Variants in TNPO1 observed in about 807,000 individuals in gnomAD.
TNPO1 encodes transportin-1.
Under a neutral mutation model 119.5 loss-of-function variants are expected in TNPO1, and 8 were observed. The observed-to-expected ratio is 0.07, with a 90% CI of 0.04 to 0.12. The LOEUF is 0.12. Among genes scored for constraint, TNPO1 ranks in the 10% least tolerant of loss-of-function variants. The pLI is 1.00. For missense variants in TNPO1, 576 were observed against 1,089.8 expected, an observed-to-expected ratio of 0.53 and a Z score of 6.64; for synonymous variants, 362 against 363.0, an observed-to-expected ratio of 1.00 and a Z score of 0.03.
At chr5:72,825,168 G>A (rs1290521821) in intron 1 of TNPO1, among the ~76,000 whole-genome samples, 1 of 152,178 alleles carries the variant, frequency 6.6e-6, no homozygotes, top group Non-Finnish European at 1.5e-5. Context: ...TACTGAAATA[G>A]GTTACTACCT....
Position 72,912,462 on chromosome 5 carries a change from A to T in TNPO1, c.*3789A>T, listed in dbSNP as rs1473948652. The T allele has an allele frequency of 1.3e-5, 2 of 152,496 alleles. No homozygotes were observed. The highest frequency in any genetic ancestry group is 6.6e-5 in the Admixed American group (1 of 15,262). 9.4% of individuals were successfully genotyped at this position (152,496 alleles called of 1,614,324 possible). On this transcript the variant is annotated 3_prime_UTR_variant, in exon 25 of 25. Transcript: ENST00000337273. ...CAGATACAAGTTTTATCTCAGGTGA[A>T]TACTCTTGTATTGTTTTTGCTTTGG...
chr5:72,858,440 A>G (rs1163374560), intron 4 of TNPO1, among the ~76,000 whole-genome samples: 1 of 152,096 alleles, frequency 6.6e-6, no homozygotes, highest in Non-Finnish European at 1.5e-5. Context: ...CTTCACACCC[A>G]CCTCCACCCC....
chr5:72,907,085 G>T (rs1750224150), intron 24 of TNPO1, among the ~76,000 whole-genome samples: 1 of 151,786 alleles, frequency 6.6e-6, no homozygotes, highest in South Asian at 2.1e-4. Flanking sequence ...AGTAGAAATG[G>T]ACTCAAAGCT....
chr5:72,848,134 C>G (rs960430883), intron 1 of TNPO1: 5 of 1,197,752 alleles, frequency 4.2e-6, no homozygotes, highest in Non-Finnish European at 2.1e-6. Flanking sequence ...TCAGTCTGGT[C>G]GGCTCCTTGC....
rs1193412531 is a variant in TNPO1 at position 72,910,562 on chromosome 5, T to C, written c.*1889T>C. On this transcript the variant is annotated 3_prime_UTR_variant, in exon 25 of 25. Transcript: ENST00000337273. ...CTGCATATTTAATCTGCAACAAAAA[T>C]GTTAAGCCATAACAGCCTTTTTATA... is the stretch of plus-strand genomic sequence containing the variant. 1 of 152,608 alleles carries C rather than the reference T, an allele frequency of 6.6e-6. No individual in the cohort carries two copies. Among genetic ancestry groups the C allele is most frequent in the Admixed American group, 6.5e-5 (1 of 15,278 alleles). 9.5% of individuals were successfully genotyped at this position (152,608 alleles called of 1,614,324 possible).
intron 1 of TNPO1, among the ~76,000 whole-genome samples, chr5:72,839,628 T>A (rs1744826770): frequency 6.6e-6 from 1 of 152,248 alleles, no homozygotes; most frequent in Non-Finnish European, 1.5e-5. Context: ...TGATTAGTAA[T>A]GTTTCCCATA....
chr5:72,901,184 AT>A (rs1442467493), intron 22 of TNPO1, 111 bp downstream of exon 22: 13 of 641,644 alleles, frequency 2.0e-5, no homozygotes, highest in Non-Finnish European at 2.8e-5. Flanking sequence ...AGGTATCAAA[AT>A]ACAGTTAAAC....
At chr5:72,900,923 A>G (rs768251736) in intron 21 of TNPO1, 51 bp from the exon 22 acceptor site, 2 of 1,281,060 alleles carry the variant, frequency 1.6e-6, no homozygotes, top group South Asian at 1.3e-5. Context: ...TAGTATTGTC[A>G]TTGAATCTGC....
At chr5:72,880,267 T>C (rs1373853520) in intron 9 of TNPO1, among the ~76,000 whole-genome samples, 1 of 152,204 alleles carries the variant, frequency 6.6e-6, no homozygotes, top group Non-Finnish European at 1.5e-5. Flanking sequence ...AGTCTCCCTT[T>C]TTTTATTTTT....
intron 11 of TNPO1, among the ~76,000 whole-genome samples, chr5:72,886,536 A>T (rs1748647103): frequency 6.6e-6 from 1 of 152,226 alleles, no homozygotes; most frequent in African/African-American, 2.4e-5. Context: ...ACAGTTATGT[A>T]CAGAATACAA....
At chr5:72,891,339 C>T (rs1332099881) in intron 14 of TNPO1, among the ~76,000 whole-genome samples, 3 of 151,990 alleles carry the variant, frequency 2.0e-5, no homozygotes, top group Non-Finnish European at 2.9e-5. Context: ...GTGGGGGGTG[C>T]CTGTAGTCCC....
chr5:72,830,428 T>C (rs981777092), intron 1 of TNPO1, among the ~76,000 whole-genome samples: 1 of 152,260 alleles, frequency 6.6e-6, no homozygotes, highest in Non-Finnish European at 1.5e-5. Context: ...TACCCACATA[T>C]CGAATTATTG....
chr5:72,900,385 A>G (rs540536005), intron 21 of TNPO1, among the ~76,000 whole-genome samples: 6 of 152,372 alleles, frequency 3.9e-5, no homozygotes, highest in East Asian at 1.9e-4. Flanking sequence ...ATAAAGATGC[A>G]TGCAAATTCT....
chr5:72,879,364 A>G (rs569097757), intron 9 of TNPO1, among the ~76,000 whole-genome samples: 1 of 152,368 alleles, frequency 6.6e-6, no homozygotes, highest in Non-Finnish European at 1.5e-5. Context: ...GATGTTAAAA[A>G]TATGGAATTA....
intron 22 of TNPO1, 111 bp from the exon 23 acceptor site, chr5:72,903,597 TC>T (rs1291434623): frequency 1.2e-5 from 8 of 693,594 alleles, no homozygotes; most frequent in Non-Finnish European, 1.9e-5. Flanking sequence ...TTTAAATGTT[TC>T]CTTTTTTAAG....
intron 13 of TNPO1, among the ~76,000 whole-genome samples, chr5:72,888,933 A>G (rs1318805386): frequency 6.6e-6 from 1 of 152,200 alleles, no homozygotes; most frequent in Non-Finnish European, 1.5e-5. Flanking sequence ...GTTTCCTGCA[A>G]TATACCTTTA....
Position 72,913,375 on chromosome 5 carries a change from T to A in TNPO1, c.*4702T>A, listed in dbSNP as rs969843154. ...TATGCCTAGTTATTATACATATTAA[T>A]TTTTAAGGTATACATTTAAATTACA... On this transcript the variant is annotated 3_prime_UTR_variant, in exon 25 of 25. Coordinates refer to ENST00000337273, the MANE Select transcript of TNPO1 (RefSeq NM_002270.4). The A allele has an allele frequency of 2.0e-5, 3 of 152,384 alleles. No individual in the cohort carries two copies. Among genetic ancestry groups the A allele is most frequent in the Non-Finnish European group, 4.4e-5 (3 of 67,932 alleles). The allele number at this position is 152,384 out of a possible 1,614,324, so 9.4% of individuals were successfully genotyped here.
rs1401874065 is a variant in TNPO1 at position 72,912,547 on chromosome 5, G to C, written c.*3874G>C. 1 of 152,366 alleles carries C rather than the reference G, an allele frequency of 6.6e-6. No individual in the cohort carries two copies. Among genetic ancestry groups the C allele is most frequent in the African/African-American group, 2.4e-5 (1 of 41,416 alleles). 9.4% of individuals were successfully genotyped at this position (152,366 alleles called of 1,614,324 possible). A position where few individuals can be genotyped will look rare whatever the true frequency, so the allele number is the denominator to read the frequency against. ...CTTTGTTTTTTAAGTGTATTTCATT[G>C]AGAATCTTTCCATTTAGTCTGATTT... On this transcript the variant is annotated 3_prime_UTR_variant, in exon 25 of 25. Transcript: ENST00000337273.
intron 11 of TNPO1, among the ~76,000 whole-genome samples, chr5:72,884,249 A>G (rs1748461396): frequency 6.6e-6 from 1 of 152,082 alleles, no homozygotes; most frequent in Admixed American, 6.5e-5. Context: ...TTATTATTAT[A>G]GTCATTCTAG....
Sources: gnomAD v4.1 joint callset for allele counts (sites outside exome capture counted in the v4.1 genomes callset) on GRCh38, gnomAD v4.1.1 for gene constraint, MANE v1.5 for transcripts, NCBI Gene and HGNC (gene_info 2026-07-23, HGNC 2026-07-21) for gene names.